Variants in TRAPPC6B observed in about 807,000 individuals in gnomAD.
The protein encoded by TRAPPC6B is TRAPP complex subunit 6B.
A neutral mutation model predicts 24.7 loss-of-function variants in TRAPPC6B; 27 were observed. The observed-to-expected ratio is 1.09, with a 90% CI of 0.81 to 1.51. The LOEUF (loss-of-function observed/expected upper bound fraction) is 1.51, where lower values mean the gene tolerates loss of function less well. Among genes scored for constraint, TRAPPC6B ranks in the 40% most tolerant of loss-of-function variants. TRAPPC6B has a pLI of 0.00. For synonymous variants in TRAPPC6B, 80 were observed against 66.6 expected (o/e 1.20, Z -0.98); for missense variants, 212 against 190.8 (o/e 1.11, Z -0.66).
chr14:39,157,673 C>A (rs1249529198), intron 3 of TRAPPC6B: 4 of 301,546 alleles, frequency 1.3e-5, no homozygotes, highest in Non-Finnish European at 1.9e-5. Flanking sequence ...GTCGCCTTTA[C>A]ACAGATTAAC....
intron 2 of TRAPPC6B, 48 bp downstream of exon 2, chr14:39,159,435 T>C (rs762913803): frequency 7.5e-7 from 1 of 1,331,694 alleles, no homozygotes; most frequent in Non-Finnish European, 1.0e-6. Context: ...TAGATCACCT[T>C]TGTTTATAAC....
intron 3 of TRAPPC6B, among the ~76,000 whole-genome samples, chr14:39,154,579 C>T (rs1226211337): frequency 1.3e-5 from 2 of 152,032 alleles, no homozygotes; most frequent in African/African-American, 4.8e-5. Context: ...ATCACCATGC[C>T]CTGCTAATTT....
Position 39,149,210 on chromosome 14 carries a change from G to A in TRAPPC6B, c.*1140C>T, listed in dbSNP as rs1305748339. On this transcript the variant is annotated 3_prime_UTR_variant, in exon 6 of 6. Transcript: ENST00000330149. ...AGTACATTTTTATAGTTTTTATTTT[G>A]TGTTTTTAATATAATGTTTGGTATA... The A allele has an allele frequency of 6.5e-6, 1 of 152,956 alleles. No individual in the cohort carries two copies. Among genetic ancestry groups the A allele is most frequent in the South Asian group, 2.1e-4 (1 of 4,830 alleles). The allele number at this position is 152,956 out of a possible 1,614,324, so 9.5% of individuals were successfully genotyped here.
intron 2 of TRAPPC6B, 192 bp from the exon 3 acceptor site, chr14:39,158,594 T>C: frequency 2.1e-6 from 1 of 482,952 alleles, no homozygotes; most frequent in South Asian, 2.8e-5. Context: ...CTCGGCTCAT[T>C]GCAACGTCTA....
intron 3 of TRAPPC6B, 41 bp from the exon 4 acceptor site, chr14:39,154,335 T>A: frequency 9.0e-7 from 1 of 1,115,594 alleles, no homozygotes; most frequent in Non-Finnish European, 1.3e-6. Flanking sequence ...TCAATGTACC[T>A]AGCAGTCCTT....
intron 4 of TRAPPC6B, among the ~76,000 whole-genome samples, chr14:39,152,731 G>A (rs1223527719): frequency 6.6e-6 from 1 of 152,170 alleles, no homozygotes. Flanking sequence ...CGTATTTATG[G>A]GGAAAGGTGT....
rs2053155094 is a variant in TRAPPC6B, at chr14:39,170,219, G to A, written c.-124C>T. On this transcript the variant is annotated 5_prime_UTR_variant, in exon 1 of 6. Transcript: ENST00000330149. ...CGTCAGGCCGCCATTCTATCCCTGT[G>A]GCTAAGAGACCGAGGTATTCACACG... is the stretch of plus-strand genomic sequence containing the variant. 2 of 851,014 alleles carry A rather than the reference G, an allele frequency of 2.4e-6. No homozygotes were observed. The highest frequency in any genetic ancestry group is 3.8e-6 in the Non-Finnish European group (2 of 531,296). The allele number at this position is 851,014 out of a possible 1,614,324, so 52.7% of individuals were successfully genotyped here.
chr14:39,157,860 A>G, intron 3 of TRAPPC6B: 1 of 186,098 alleles, frequency 5.4e-6, no homozygotes, highest in Non-Finnish European at 1.1e-5. Flanking sequence ...TGGGTTAAAC[A>G]TACACTGTTG....
chr14:39,168,935 G>A (rs1451208267), intron 1 of TRAPPC6B, among the ~76,000 whole-genome samples: 1 of 152,022 alleles, frequency 6.6e-6, no homozygotes, highest in Non-Finnish European at 1.5e-5. Flanking sequence ...ATATTCCCTC[G>A]AAAAGATCCG....
intron 4 of TRAPPC6B, among the ~76,000 whole-genome samples, chr14:39,152,958 T>C (rs755977609): frequency 3.9e-5 from 6 of 151,956 alleles, no homozygotes; most frequent in Non-Finnish European, 7.4e-5. Context: ...TGGGTGGCTT[T>C]TGTAATCACG....
intron 1 of TRAPPC6B, among the ~76,000 whole-genome samples, chr14:39,169,581 T>C (rs372998091): frequency 3.3e-5 from 5 of 152,284 alleles, no homozygotes; most frequent in African/African-American, 1.2e-4. Flanking sequence ...AGGTCTCAAG[T>C]TGTGTGGAGT....
chr14:39,169,870 G>A (rs1417501244), intron 1 of TRAPPC6B, 145 bp downstream of exon 1: 3 of 689,850 alleles, frequency 4.3e-6, no homozygotes, highest in East Asian at 5.5e-5. Context: ...ACAGGTTCTA[G>A]GGTTTAGGAC....
intron 1 of TRAPPC6B, among the ~76,000 whole-genome samples, chr14:39,164,893 T>C (rs1349343643): frequency 1.3e-5 from 2 of 152,158 alleles, no homozygotes; most frequent in African/African-American, 4.8e-5. Context: ...CATGGCATCA[T>C]GGTATGTCCT....
chr14:39,162,586 T>G (rs2139386560), intron 1 of TRAPPC6B, among the ~76,000 whole-genome samples: 1 of 152,354 alleles, frequency 6.6e-6, no homozygotes, highest in Non-Finnish European at 1.5e-5. Flanking sequence ...TTATAAAACC[T>G]GGTATCACCT....
In TRAPPC6B at chr14:39,148,388, T is replaced by C; in HGVS notation, c.*1962A>G. On this transcript the variant is annotated 3_prime_UTR_variant, in exon 6 of 6. Transcript: ENST00000330149. ...GAATCTAATCAACACTCACCCTCTC[T>C]AGGCTAGGGAAGCACCCTATTCTAT... is the stretch of plus-strand genomic sequence containing the variant. The C allele has an allele frequency of 3.1e-6, 1 of 319,316 alleles. No homozygotes were observed. The allele number at this position is 319,316 out of a possible 1,614,324, so 19.8% of individuals were successfully genotyped here.
intron 3 of TRAPPC6B, chr14:39,157,838 T>G (rs891329406): frequency 1.5e-5 from 3 of 198,558 alleles, no homozygotes; most frequent in African/African-American, 7.0e-5. Context: ...GCTAAAGAAC[T>G]TGACACCAAA....
intron 1 of TRAPPC6B, among the ~76,000 whole-genome samples, chr14:39,169,423 T>C (rs2053142118): frequency 6.6e-6 from 1 of 152,220 alleles, no homozygotes; most frequent in South Asian, 2.1e-4. Context: ...CATTGTTTCA[T>C]TCACTACTAT....
chr14:39,169,961 G>C, intron 1 of TRAPPC6B, 54 bp downstream of exon 1: 1 of 1,574,772 alleles, frequency 6.4e-7, no homozygotes. Flanking sequence ...AGCACTGAGG[G>C]GAAACAAGGT....
intron 1 of TRAPPC6B, among the ~76,000 whole-genome samples, chr14:39,162,279 G>C (rs1190010619): frequency 2.0e-5 from 3 of 151,746 alleles, no homozygotes; most frequent in Non-Finnish European, 2.9e-5. Context: ...TCCCACCTCA[G>C]TCTCCCAAGT....
Sources: allele counts gnomAD v4.1 joint callset (sites outside exome capture counted in the v4.1 genomes callset), GRCh38; gene constraint gnomAD v4.1.1; transcripts MANE v1.5; gene names NCBI Gene and HGNC (gene_info 2026-07-23, HGNC 2026-07-21).